Variants in KRT32 observed in about 807,000 individuals in gnomAD.
KRT32 encodes keratin 32, also known as keratin, type I cuticular Ha2.
A neutral mutation model predicts 41.8 loss-of-function variants in KRT32; 44 were observed. The observed-to-expected ratio is 1.05, with a 90% CI of 0.83 to 1.35. The LOEUF is 1.35. Among genes scored for constraint, KRT32 ranks in the 40% most tolerant of loss-of-function variants. The pLI is 0.00. For synonymous variants in KRT32, 238 were observed against 242.5 expected (o/e 0.98, Z 0.17); for missense variants, 576 against 584.6 (o/e 0.99, Z 0.15).
chr17:41,466,483 C>T (rs2019069987), intron 1 of KRT32, among the ~76,000 whole-genome samples: 1 of 152,232 alleles, frequency 6.6e-6, no homozygotes, highest in Non-Finnish European at 1.5e-5. Flanking sequence ...GGGTCTTTGA[C>T]ATTTACTGAA....
rs2018983821 is a variant in KRT32 at position 41,460,071 on chromosome 17, A to T, written c.*39T>A. Reference sequence around the variant, plus strand: ...GTGGCCACTGAATACCAGGCTGCCCAGCCCCAGGCCCTCCAGGATCCACTG... The same window carrying T: ...GTGGCCACTGAATACCAGGCTGCCCTGCCCCAGGCCCTCCAGGATCCACTG... On this transcript the variant is annotated 3_prime_UTR_variant, in exon 7 of 7. Coordinates refer to ENST00000225899, the MANE Select transcript of KRT32 (RefSeq NM_002278.3). 1 of 1,555,176 alleles carries T rather than the reference A, an allele frequency of 6.4e-7. No homozygotes were observed. Among genetic ancestry groups the T allele is most frequent in the African/African-American group, 1.4e-5 (1 of 73,580 alleles).
intron 5 of KRT32, among the ~76,000 whole-genome samples, chr17:41,463,538 C>A (rs1450235625): frequency 6.6e-6 from 1 of 152,200 alleles, no homozygotes; most frequent in Non-Finnish European, 1.5e-5. Flanking sequence ...AACCCCCACT[C>A]TACTAAAAAT....
rs1405621268 is a variant in KRT32 at position 41,460,226 on chromosome 17, G to T, written c.1231C>A (p.Pro411Thr). 1 of 1,602,552 alleles carries T rather than the reference G, an allele frequency of 6.2e-7. No individual in the cohort carries two copies. The highest frequency in any genetic ancestry group is 8.5e-7 in the Non-Finnish European group (1 of 1,174,516). The change falls in exon 7 of 7, where the codon CCA (proline) becomes ACA (threonine). Residue 411 changes from proline to threonine, a missense_variant. Transcript: ENST00000225899. The stretch of plus-strand genomic sequence containing the variant: ...GTGGTGCAGGAAGGAGTGGAGCATG[G>T]GTTACAGGGCAGCCTGCAGGAGAAA... ...ENEDCKLPCN[P>T]CSTPSCTTCV...
chr17:41,460,491 T>C (rs75977182), intron 6 of KRT32, among the ~76,000 whole-genome samples: 1,560 of 152,162 alleles, frequency 0.01, 28 homozygotes, highest in African/African-American at 0.036. Context: ...CAGTCACAAA[T>C]CCAATTATGT....
In KRT32 at chr17:41,466,831, G is replaced by C. The variant is rs200342924; in HGVS notation, c.468+27C>G. The C allele has an allele frequency of 2.3e-4, 344 of 1,517,684 alleles. 5 individuals are homozygous for C. Among genetic ancestry groups the C allele is most frequent in the Middle Eastern group, 2.1e-3 (12 of 5,772 alleles). The allele number at this position is 1,517,684 out of a possible 1,614,324, so 94.0% of individuals were successfully genotyped here. A position where few individuals can be genotyped will look rare whatever the true frequency, so the allele number is the denominator to read the frequency against. ...GCTAGTCCAGTTCCCTTCCCAGAGAGCCTATTCACCTCACCGCTGCCCTCA... is the reference window on the plus strand; with the variant it reads ...GCTAGTCCAGTTCCCTTCCCAGAGACCCTATTCACCTCACCGCTGCCCTCA... On this transcript the variant is annotated intron_variant, in intron 1 of 6. Coordinates refer to ENST00000225899, the MANE Select transcript of KRT32 (RefSeq NM_002278.3).
chr17:41,463,632 C>T (rs983027060), intron 5 of KRT32, among the ~76,000 whole-genome samples: 24 of 151,488 alleles, frequency 1.6e-4, no homozygotes, highest in Non-Finnish European at 3.4e-4. Flanking sequence ...TTGAACCCAG[C>T]GGGGGCAGAG....
intron 3 of KRT32, among the ~76,000 whole-genome samples, chr17:41,465,068 T>C (rs1390563940): frequency 6.7e-6 from 1 of 149,250 alleles, no homozygotes; most frequent in Admixed American, 6.6e-5. Flanking sequence ...AGTCAAGAGG[T>C]TGAGAGTCAA....
At position 41,464,099 on chromosome 17, in the gene KRT32, C is replaced by G; in HGVS notation, c.975G>C (p.Glu325Asp). ...TCACCAGGCTGTGCTGGGCCTGCAG[C>G]TCGATCTCCAGCGTGTTGACCGTGC... ...LRRTVNTLEI[E>D]LQAQHSLRDS... The change falls in exon 5 of 7, where the codon GAG becomes GAC. Residue 325 changes from glutamate (E) to aspartate (D), a missense_variant. By Grantham distance (45) the Glu-to-Asp change is conservative. Coordinates refer to ENST00000225899, the MANE Select transcript of KRT32 (RefSeq NM_002278.3). 1 of 1,605,058 alleles carries G rather than the reference C, an allele frequency of 6.2e-7. No homozygotes were observed. The highest frequency in any genetic ancestry group is 8.5e-7 in the Non-Finnish European group (1 of 1,175,310).
Position 41,465,741 on chromosome 17 carries a change from C to G in KRT32, c.708+32G>C, listed in dbSNP as rs576831254. The G allele has an allele frequency of 1.9e-6, 3 of 1,592,520 alleles. No homozygotes were observed. The South Asian group carries it at 3.4e-5, about 18-fold the overall frequency. The stretch of plus-strand genomic sequence containing the variant: ...CCCACGTTCCTCCCCCTCTGCTTCC[C>G]GGGGCCACTTCAGCGGGACTTCCAG... On this transcript the variant is annotated intron_variant, in intron 3 of 6. Coordinates refer to ENST00000225899, the MANE Select transcript of KRT32 (RefSeq NM_002278.3).
At chr17:41,463,757 CAG>C (rs2019033159) in intron 5 of KRT32, among the ~76,000 whole-genome samples, 1 of 151,586 alleles carries the variant, frequency 6.6e-6, no homozygotes, top group South Asian at 2.1e-4. Context: ...GACTCTGGTT[CAG>C]TTGGTCCAGA....
chr17:41,467,093 G>C lies in KRT32; in HGVS notation c.233C>G (p.Ser78Cys), dbSNP rs768336471. 1.1e-5 allele frequency: 18 copies of C among 1,614,224 alleles called. No individual in the cohort carries two copies. The highest frequency in any genetic ancestry group is 2.2e-5 in the South Asian group (2 of 91,084). The change falls in exon 1 of 7, where the codon TCC becomes TGC. Residue 78 changes from serine (S) to cysteine (C), a missense_variant. Ser to Cys is a moderately radical substitution (Grantham distance 112, BLOSUM62 -1). Transcript: ENST00000225899. ...SSSCQAASGISGSMGPGSWYS... is the reference protein window; with the variant it reads ...SSSCQAASGICGSMGPGSWYS... ...CCAGCTGCCGGGGCCCATGGAGCCGGAGATGCCACTGGCTGCCTGGCAGGA... is the reference window on the plus strand; with the variant it reads ...CCAGCTGCCGGGGCCCATGGAGCCGCAGATGCCACTGGCTGCCTGGCAGGA...
Position 41,467,376 on chromosome 17 carries a change from C to T in KRT32, c.-51G>A. 1 of 1,375,430 alleles carries T rather than the reference C, an allele frequency of 7.3e-7. No individual in the cohort carries two copies. The highest frequency in any genetic ancestry group is 9.9e-7 in the Non-Finnish European group (1 of 1,010,766). The allele number at this position is 1,375,430 out of a possible 1,614,324, so 85.2% of individuals were successfully genotyped here. On this transcript the variant is annotated 5_prime_UTR_variant, in exon 1 of 7. Transcript: ENST00000225899. ...CACAGCTACCTGGATGTCTACAGAC[C>T]CCATGCCGCCCGGGCCATTTTATGC...
intron 5 of KRT32, among the ~76,000 whole-genome samples, chr17:41,463,436 A>G (rs2019028498): frequency 6.6e-6 from 1 of 152,222 alleles, no homozygotes; most frequent in Non-Finnish European, 1.5e-5. Flanking sequence ...CGGTCACAGT[A>G]GCTCATGCCT....
intron 6 of KRT32, 36 bp from the exon 7 acceptor site, chr17:41,460,275 G>A (rs2018988724): frequency 7.1e-6 from 11 of 1,558,282 alleles, no homozygotes; most frequent in Non-Finnish European, 9.6e-6. Flanking sequence ...AGGATTAGTA[G>A]AGAAGGCCCA....
chr17:41,463,289 CA>C (rs1396423604), intron 5 of KRT32, among the ~76,000 whole-genome samples: 6 of 152,256 alleles, frequency 3.9e-5, no homozygotes, highest in African/African-American at 1.4e-4. Context: ...CTTTCTTCTG[CA>C]ACCTTTGTCT....
Position 41,465,767 on chromosome 17 carries a change from C to T in KRT32, c.708+6G>A. 6.2e-7 allele frequency: 1 copy of T among 1,606,182 alleles called. No individual in the cohort carries two copies. The highest frequency in any genetic ancestry group is 8.5e-7 in the Non-Finnish European group (1 of 1,175,482). ...GGGGCCACTTCAGCGGGACTTCCAG[C>T]CTCACCTCCTCATGGTTCTTTTTGA... On this transcript the variant is annotated splice_donor_region_variant and intron_variant, in intron 3 of 6. Transcript: ENST00000225899.
chr17:41,465,720 C>A (rs544111243), intron 3 of KRT32, 53 bp downstream of exon 3: 3 of 1,575,868 alleles, frequency 1.9e-6, no homozygotes, highest in East Asian at 2.3e-5. Context: ...CCATACCCCA[C>A]GTTCCTCCCC....
rs1357843546 is a variant in KRT32, at chr17:41,466,126, A to G, written c.519T>C (p.Asn173=). ...TGAAGTCATCGGCAGCCAGTTTGGC[A>G]TTATCAATGTTCACAACCATCCTGG... ...ENARMVVNID[N]AKLAADDFRA... is the part of the protein sequence containing the mutation. Residue 173 remains asparagine (N), a synonymous_variant, in exon 2 of 7, where the codon AAT becomes AAC. Transcript: ENST00000225899. The G allele has an allele frequency of 6.8e-6, 11 of 1,614,078 alleles. No homozygotes were observed. Among genetic ancestry groups the G allele is most frequent in the Non-Finnish European group, 8.5e-6 (10 of 1,180,046 alleles).
In KRT32 at chr17:41,459,971, T is replaced by C; in HGVS notation, c.*139A>G. Reference sequence around the variant, plus strand: ...GAGGGCTTAAGTATCCCCTGGAGTATCAGAGCTTGTTGCAGGTGATCCACG... The same window carrying C: ...GAGGGCTTAAGTATCCCCTGGAGTACCAGAGCTTGTTGCAGGTGATCCACG... On this transcript the variant is annotated 3_prime_UTR_variant, in exon 7 of 7. Coordinates refer to ENST00000225899, the MANE Select transcript of KRT32 (RefSeq NM_002278.3). 1 of 841,782 alleles carries C rather than the reference T, an allele frequency of 1.2e-6. No homozygotes were observed. Among genetic ancestry groups the C allele is most frequent in the East Asian group, 2.9e-5 (1 of 34,642 alleles). The allele number at this position is 841,782 out of a possible 1,614,324, so 52.1% of individuals were successfully genotyped here.
Sources: gnomAD v4.1 joint callset for allele counts (sites outside exome capture counted in the v4.1 genomes callset) on GRCh38, gnomAD v4.1.1 for gene constraint, MANE v1.5 for transcripts, NCBI Gene and HGNC (gene_info 2026-07-23, HGNC 2026-07-21) for gene names.